PHLPP1: variants seen among roughly 807,000 people sequenced by gnomAD.
PHLPP1 encodes the protein PH domain leucine-rich repeat-containing protein phosphatase 1.
A neutral mutation model predicts 117.2 loss-of-function variants in PHLPP1; 42 were observed. The observed-to-expected ratio is 0.36, with a 90% CI of 0.28 to 0.46. The LOEUF (loss-of-function observed/expected upper bound fraction) is 0.46. Among genes scored for constraint, PHLPP1 ranks in the 20% least tolerant of loss-of-function variants. The pLI is 1.00. For missense variants in PHLPP1, 2,084 were observed against 2,241.9 expected (o/e 0.93, Z 1.42); for synonymous variants, 1,042 against 970.7 (o/e 1.07, Z -1.37).
At chr18:62,925,043 CTT>C (rs1192636774) in intron 10 of PHLPP1, among the ~76,000 whole-genome samples, 1 of 151,900 alleles carries the variant, frequency 6.6e-6, no homozygotes, top group Non-Finnish European at 1.5e-5. Context: ...ATTTACCTGT[CTT>C]TTTAATTAGA....
intron 1 of PHLPP1, among the ~76,000 whole-genome samples, chr18:62,820,365 C>T (rs925658059): frequency 2.0e-5 from 3 of 152,170 alleles, no homozygotes; most frequent in African/African-American, 7.2e-5. Flanking sequence ...TAGAATAATG[C>T]ACTCTGCAAT....
At chr18:62,892,383 C>G (rs1916449870) in intron 4 of PHLPP1, among the ~76,000 whole-genome samples, 1 of 151,916 alleles carries the variant, frequency 6.6e-6, no homozygotes, top group African/African-American at 2.4e-5. Context: ...GTCACCACAC[C>G]CGGCCAGAGT....
intron 1 of PHLPP1, among the ~76,000 whole-genome samples, chr18:62,772,212 T>C (rs1483689125): frequency 6.6e-6 from 1 of 152,220 alleles, no homozygotes; most frequent in Non-Finnish European, 1.5e-5. Flanking sequence ...TCTGAAACTC[T>C]TCTGGAAGGT....
intron 1 of PHLPP1, among the ~76,000 whole-genome samples, chr18:62,787,785 G>A (rs1244895261): frequency 5.3e-5 from 8 of 152,166 alleles, no homozygotes; most frequent in African/African-American, 1.7e-4. Flanking sequence ...GCATTACCGT[G>A]CAGCGGGGGT....
intron 4 of PHLPP1, among the ~76,000 whole-genome samples, chr18:62,874,929 G>A (rs1022800546): frequency 6.6e-6 from 1 of 152,144 alleles, no homozygotes; most frequent in African/African-American, 2.4e-5. Context: ...GACCTGCTAT[G>A]TATCTGTAGA....
At chr18:62,946,718 G>A (rs1390354430) in intron 12 of PHLPP1, among the ~76,000 whole-genome samples, 1 of 152,210 alleles carries the variant, frequency 6.6e-6, no homozygotes, top group Non-Finnish European at 1.5e-5. Flanking sequence ...TAAGAACACT[G>A]TCTCATACAT....
chr18:62,897,498 T>C (rs1221533531), intron 6 of PHLPP1, among the ~76,000 whole-genome samples: 3 of 152,122 alleles, frequency 2.0e-5, no homozygotes, highest in Non-Finnish European at 2.9e-5. Flanking sequence ...TTGTTGTTTA[T>C]TGTTTTTGTT....
At chr18:62,874,012 G>A (rs187690416) in intron 4 of PHLPP1, among the ~76,000 whole-genome samples, 8 of 149,210 alleles carry the variant, frequency 5.4e-5, no homozygotes, top group East Asian at 2.0e-4. Context: ...GTGAAACCCC[G>A]TCTCTACTAA....
At chr18:62,827,325 A>C (rs1914637271) in intron 1 of PHLPP1, among the ~76,000 whole-genome samples, 1 of 152,206 alleles carries the variant, frequency 6.6e-6, no homozygotes, top group East Asian at 1.9e-4. Context: ...CCCAGCTTTA[A>C]ACTGGCAGAC....
chr18:62,816,710 T>C (rs992155537), intron 1 of PHLPP1, among the ~76,000 whole-genome samples: 2 of 152,212 alleles, frequency 1.3e-5, no homozygotes, highest in Non-Finnish European at 2.9e-5. Context: ...GTTTTTACTA[T>C]TATCAGTGGC....
chr18:62,717,963 A>AAT (rs1008733302), intron 1 of PHLPP1, among the ~76,000 whole-genome samples: 5 of 152,184 alleles, frequency 3.3e-5, no homozygotes, highest in Admixed American at 2.0e-4. Context: ...TGACCACCGC[A>AAT]ATACGCCTTG....
At chr18:62,869,328 C>T (rs1376620212) in intron 4 of PHLPP1, among the ~76,000 whole-genome samples, 1 of 152,120 alleles carries the variant, frequency 6.6e-6, no homozygotes, top group Non-Finnish European at 1.5e-5. Flanking sequence ...GGTCTTACTC[C>T]TCCTTCTGTA....
intron 1 of PHLPP1, among the ~76,000 whole-genome samples, chr18:62,760,907 G>A (rs1230708404): frequency 6.6e-6 from 1 of 152,044 alleles, no homozygotes; most frequent in East Asian, 1.9e-4. Flanking sequence ...CTGCCTAGGC[G>A]GGAGTGCAGT....
At chr18:62,781,458 C>G (rs1913117799) in intron 1 of PHLPP1, among the ~76,000 whole-genome samples, 1 of 152,182 alleles carries the variant, frequency 6.6e-6, no homozygotes, top group East Asian at 1.9e-4. Flanking sequence ...CTGGCTCTAT[C>G]ACTGGGCTCT....
intron 4 of PHLPP1, among the ~76,000 whole-genome samples, chr18:62,861,384 G>A (rs185423581): frequency 6.6e-6 from 1 of 152,318 alleles, no homozygotes; most frequent in East Asian, 1.9e-4. Context: ...GATTATAGGC[G>A]TGAGACACCA....
At chr18:62,800,548 C>T (rs1913748485) in intron 1 of PHLPP1, among the ~76,000 whole-genome samples, 1 of 150,958 alleles carries the variant, frequency 6.6e-6, no homozygotes, top group South Asian at 2.1e-4. Flanking sequence ...TCATTATATG[C>T]AGTTAAAATT....
At chr18:62,843,463 T>C (rs1030800168) in intron 3 of PHLPP1, among the ~76,000 whole-genome samples, 1 of 152,238 alleles carries the variant, frequency 6.6e-6, no homozygotes, top group African/African-American at 2.4e-5. Flanking sequence ...GGAAAATTTA[T>C]AGTTTATTAA....
intron 4 of PHLPP1, among the ~76,000 whole-genome samples, chr18:62,884,992 A>T (rs558250547): frequency 4.6e-5 from 7 of 152,366 alleles, no homozygotes; most frequent in African/African-American, 1.7e-4. Flanking sequence ...AATAGTCATC[A>T]TGCTGTTTAT....
chr18:62,918,017 C>T (rs1909347237), intron 9 of PHLPP1, among the ~76,000 whole-genome samples: 2 of 151,858 alleles, frequency 1.3e-5, no homozygotes, highest in South Asian at 4.2e-4. Context: ...CCAGCCTGAC[C>T]AACATGGTGA....
Sources: gnomAD v4.1 joint callset for allele counts (sites outside exome capture counted in the v4.1 genomes callset) on GRCh38, gnomAD v4.1.1 for gene constraint, MANE v1.5 for transcripts, NCBI Gene and HGNC (gene_info 2026-07-23, HGNC 2026-07-21) for gene names.